Variants in CSMD1 observed in about 807,000 individuals in gnomAD.
CSMD1 encodes CUB and Sushi multiple domains 1.
In CSMD1, 213 loss-of-function variants were observed where a neutral mutation model predicts 417.5. That is an observed-to-expected ratio of 0.51 (90% CI 0.46 to 0.57). The LOEUF (loss-of-function observed/expected upper bound fraction) is 0.57, where lower values mean the gene tolerates loss of function less well. CSMD1 is among the 20% of genes least tolerant of loss of function. The pLI is 0.00. For synonymous variants in CSMD1, 2,862 were observed against 1,736.8 expected, an observed-to-expected ratio of 1.65 and a Z score of -16.11; for missense variants, 6,923 against 4,529.7, an observed-to-expected ratio of 1.53 and a Z score of -15.17.
At chr8:3,923,434 T>C (rs567706071) in intron 5 of CSMD1, among the ~76,000 whole-genome samples, 22 of 152,352 alleles carry the variant, frequency 1.4e-4, no homozygotes, top group Non-Finnish European at 3.1e-4. Flanking sequence ...AATTTGCTTA[T>C]TGGATCATTT....
At chr8:4,840,112 T>A (rs933901335) in intron 1 of CSMD1, among the ~76,000 whole-genome samples, 3 of 16,596 alleles carry the variant, frequency 1.8e-4, no homozygotes, top group African/African-American at 3.3e-4. Context: ...TCACTTAGAC[T>A]CCACGGAGGC....
At chr8:3,116,182 C>T (rs1260549566) in intron 42 of CSMD1, among the ~76,000 whole-genome samples, 6 of 152,156 alleles carry the variant, frequency 3.9e-5, no homozygotes, top group African/African-American at 1.4e-4. Context: ...GGATATTAAA[C>T]ACACATTGGA....
intron 46 of CSMD1, among the ~76,000 whole-genome samples, chr8:3,099,345 C>A (rs777569304): frequency 6.6e-6 from 1 of 152,112 alleles, no homozygotes; most frequent in Non-Finnish European, 1.5e-5. Context: ...ACCCCAGGGT[C>A]CCTCTCCCCC....
At chr8:4,970,021 A>C (rs1810138417) in intron 1 of CSMD1, among the ~76,000 whole-genome samples, 2 of 152,292 alleles carry the variant, frequency 1.3e-5, no homozygotes, top group South Asian at 4.1e-4. Flanking sequence ...TGCAATACCT[A>C]AAAATTGAAA....
chr8:3,309,766 G>C (rs548397386), intron 23 of CSMD1, among the ~76,000 whole-genome samples: 77 of 152,308 alleles, frequency 5.1e-4, no homozygotes, highest in African/African-American at 1.8e-3. Context: ...TCAATGTGAA[G>C]TCTGAGATGC....
chr8:3,998,888 T>A (rs1815437062), intron 4 of CSMD1, among the ~76,000 whole-genome samples: 1 of 149,578 alleles, frequency 6.7e-6, no homozygotes, highest in Admixed American at 6.7e-5. Context: ...ATATAACATA[T>A]AATCTATATG....
intron 1 of CSMD1, among the ~76,000 whole-genome samples, chr8:4,830,859 T>C (rs572347576): frequency 6.6e-6 from 1 of 152,298 alleles, no homozygotes; most frequent in East Asian, 1.9e-4. Context: ...GAAGAAATTC[T>C]GGGAAAAAAG....
chr8:3,518,490 G>C (rs1032783329), intron 10 of CSMD1, among the ~76,000 whole-genome samples: 8 of 152,134 alleles, frequency 5.3e-5, no homozygotes, highest in African/African-American at 1.4e-4. Flanking sequence ...CTCATTGGTA[G>C]ACTCAACAAA....
At chr8:4,596,196 T>G (rs1429400818) in intron 2 of CSMD1, among the ~76,000 whole-genome samples, 1 of 151,992 alleles carries the variant, frequency 6.6e-6, no homozygotes, top group East Asian at 1.9e-4. Flanking sequence ...ATCAAGTAAG[T>G]TTGGTTTTGG....
At chr8:4,770,981 T>C (rs1055300344) in intron 1 of CSMD1, among the ~76,000 whole-genome samples, 8 of 152,228 alleles carry the variant, frequency 5.3e-5, no homozygotes, top group Non-Finnish European at 8.8e-5. Context: ...AAAAAGCTTC[T>C]GCACAGCAAA....
rs145034876 is a variant in CSMD1, at chr8:4,234,957, G to A, written c.415+184996C>T. Reference sequence around the variant, plus strand: ...GTGCTAATCTTGATTCTAAGGGCGGGGTGTTCATGACCTCATGGAATCTCA... The same window carrying A: ...GTGCTAATCTTGATTCTAAGGGCGGAGTGTTCATGACCTCATGGAATCTCA... On this transcript the variant is annotated intron_variant, in intron 3 of 69. Transcript: ENST00000635120. Among the ~76,000 whole-genome samples, 60 of 152,182 alleles carry A rather than the reference G, an allele frequency of 3.9e-4. No homozygotes were observed. In the East Asian group the frequency reaches 0.01, roughly 26 times the overall value.
Position 4,070,998 on chromosome 8 carries a change from C to A in CSMD1, c.416-38899G>T, listed in dbSNP as rs79855506. 6.0e-3 allele frequency among the ~76,000 whole-genome samples: 918 copies of A among 152,192 alleles called. 11 individuals are homozygous for A. Among genetic ancestry groups the A allele is most frequent in the African/African-American group, 0.021 (881 of 41,532 alleles). ...TTGTTGTTTCCTGTATGTAATGCGT[C>A]CATTTTCTGTGGCTGCTTTCAAGCT... On this transcript the variant is annotated intron_variant, in intron 3 of 69. Transcript: ENST00000635120.
intron 1 of CSMD1, among the ~76,000 whole-genome samples, chr8:4,722,227 T>A (rs934169065): frequency 6.6e-6 from 1 of 152,146 alleles, no homozygotes; most frequent in Non-Finnish European, 1.5e-5. Context: ...TTGCTTTGCT[T>A]GAGTACACTT....
At chr8:4,143,698 C>T (rs1234070367) in intron 3 of CSMD1, among the ~76,000 whole-genome samples, 1 of 150,754 alleles carries the variant, frequency 6.6e-6, no homozygotes, top group Non-Finnish European at 1.5e-5. Context: ...GGATAAGATA[C>T]ACAAAGTAAC....
At chr8:4,907,355 T>G (rs1211336803) in intron 1 of CSMD1, among the ~76,000 whole-genome samples, 1 of 152,190 alleles carries the variant, frequency 6.6e-6, no homozygotes, top group African/African-American at 2.4e-5. Flanking sequence ...GCAAAAAGCT[T>G]GGGCTCCTAA....
At chr8:4,826,565 G>A (rs55985232) in intron 1 of CSMD1, among the ~76,000 whole-genome samples, 7,938 of 152,230 alleles carry the variant, frequency 0.052, 302 homozygotes, top group Non-Finnish European at 0.08. Context: ...GACCAAGTTA[G>A]CGTAGTTGGG....
chr8:4,453,814 CT>C (rs60422486), intron 2 of CSMD1, among the ~76,000 whole-genome samples: 1,419 of 67,594 alleles, frequency 0.021, 2 homozygotes, highest in Non-Finnish European at 0.027. Flanking sequence ...CAATTCGTTT[CT>C]TTTTTTTTTT....
At chr8:3,601,142 G>A (rs879177623) in intron 8 of CSMD1, among the ~76,000 whole-genome samples, 4 of 152,132 alleles carry the variant, frequency 2.6e-5, no homozygotes, top group Admixed American at 6.6e-5. Flanking sequence ...GTTTGCCTCT[G>A]GCTTCTGAGA....
At position 4,155,888 on chromosome 8, in the gene CSMD1, G is replaced by A. The variant is rs138962636; in HGVS notation, c.416-123789C>T. 2.7e-3 allele frequency among the ~76,000 whole-genome samples: 409 copies of A among 152,286 alleles called. 1 individual carries two copies. The highest frequency in any genetic ancestry group is 4.0e-3 in the Non-Finnish European group (270 of 68,026). On this transcript the variant is annotated intron_variant, in intron 3 of 69. Coordinates refer to ENST00000635120, the MANE Select transcript of CSMD1 (RefSeq NM_033225.6). ...AAAGTGCCATCCTATAGCCCTCTCT[G>A]TTCCCAGTAAGTGCGGGAATGAGCT...
Sources: gnomAD v4.1 joint callset for allele counts (sites outside exome capture counted in the v4.1 genomes callset) on GRCh38, gnomAD v4.1.1 for gene constraint, MANE v1.5 for transcripts, NCBI Gene and HGNC (gene_info 2026-07-23, HGNC 2026-07-21) for gene names.